Variants in CAMK2B observed in about 807,000 individuals in gnomAD.
The protein encoded by CAMK2B is calcium/calmodulin dependent protein kinase II beta, also known as calcium/calmodulin-dependent protein kinase type II subunit beta.
A neutral mutation model predicts 93.7 loss-of-function variants in CAMK2B; 27 were observed. The ratio of observed to expected loss-of-function variants is 0.29; its 90% confidence interval spans 0.21 to 0.40. The LOEUF (loss-of-function observed/expected upper bound fraction) is 0.40. Ranked by LOEUF, CAMK2B falls within the 10% of genes least tolerant of loss-of-function variation. The probability of loss-of-function intolerance (pLI) is 1.00; values close to 1 mark genes in which losing one functional copy is unlikely to be tolerated. For synonymous variants in CAMK2B, 374 were observed against 358.8 expected, an observed-to-expected ratio of 1.04 and a Z score of -0.48; for missense variants, 568 against 895.8, an observed-to-expected ratio of 0.63 and a Z score of 4.67.
chr7:44,295,581 C>T (rs1788065954), intron 1 of CAMK2B, among the ~76,000 whole-genome samples: 1 of 152,208 alleles, frequency 6.6e-6, no homozygotes, highest in Non-Finnish European at 1.5e-5. Flanking sequence ...GGTGCCTAGC[C>T]TTAGCAGCGT....
At chr7:44,239,488 G>A in intron 13 of CAMK2B, 101 bp downstream of exon 13, 1 of 1,102,074 alleles carries the variant, frequency 9.1e-7, no homozygotes, top group East Asian at 2.6e-5. Flanking sequence ...GGCCTCTGGG[G>A]CGGCTCTGGA....
chr7:44,228,845 C>A lies in CAMK2B; in HGVS notation c.1419G>T (p.Gly473=). Residue 473 remains glycine, a synonymous_variant, in exon 19 of 24, where the codon GGG becomes GGT. Transcript: ENST00000395749. ...TPEAEGPLSA[G]PPPCLSPALL... ...GAGCCGGAGACAGGCAGGGCGGGGGCCCCGCTGAGAGGGGGCCCTCGGCTT... is the reference window on the plus strand; with the variant it reads ...GAGCCGGAGACAGGCAGGGCGGGGGACCCGCTGAGAGGGGGCCCTCGGCTT... 1 of 1,492,188 alleles carries A rather than the reference C, an allele frequency of 6.7e-7. No homozygotes were observed. The highest frequency in any genetic ancestry group is 2.5e-5 in the East Asian group (1 of 40,738). The allele number at this position is 1,492,188 out of a possible 1,614,324, so 92.4% of individuals were successfully genotyped here.
intron 1 of CAMK2B, among the ~76,000 whole-genome samples, chr7:44,309,959 G>A (rs1793068997): frequency 6.6e-6 from 1 of 152,232 alleles, no homozygotes; most frequent in African/African-American, 2.4e-5. Context: ...GAGGCCGCGC[G>A]GCTCGCGAAG....
At chr7:44,264,427 T>A (rs552569709) in intron 2 of CAMK2B, among the ~76,000 whole-genome samples, 1 of 152,188 alleles carries the variant, frequency 6.6e-6, no homozygotes, top group South Asian at 2.1e-4. Context: ...CGCCTACAGA[T>A]GGGAAGGTCT....
intron 2 of CAMK2B, among the ~76,000 whole-genome samples, chr7:44,282,847 C>G (rs960167459): frequency 3.2e-4 from 48 of 152,240 alleles, no homozygotes; most frequent in African/African-American, 1.1e-3. Flanking sequence ...CCCTCAGCAT[C>G]TGGCAGCCTG....
chr7:44,292,981 T>C (rs1787271103), intron 1 of CAMK2B, among the ~76,000 whole-genome samples: 1 of 152,222 alleles, frequency 6.6e-6, no homozygotes, highest in Non-Finnish European at 1.5e-5. Flanking sequence ...GGGGTCTTTG[T>C]GGGTGCATCT....
At position 44,239,650 on chromosome 7, in the gene CAMK2B, G is replaced by A. The variant is rs147678190; in HGVS notation, c.960C>T (p.Thr320=). 6.5e-6 allele frequency: 10 copies of A among 1,550,354 alleles called. No homozygotes were observed. Among genetic ancestry groups the A allele is most frequent in the Non-Finnish European group, 8.7e-6 (10 of 1,146,840 alleles). ...ATRNFSVGRQ[T]TAPATMSTAA... ...CGGTGGACATTGTGGCCGGAGCGGT[G>A]GTCTGTCTGCCCACTGTTAGCACCG... The change falls in exon 13 of 24, where the codon ACC becomes ACT. Residue 320 remains threonine (T), a synonymous_variant. Transcript: ENST00000395749.
At position 44,243,434 on chromosome 7, in the gene CAMK2B, C is replaced by A. The variant is rs1184743239; in HGVS notation, c.508G>T (p.Ala170Ser). Residue 170 changes from alanine (A) to serine (S), a missense_variant, in exon 7 of 24, where the codon GCA (alanine) becomes TCA (serine). Transcript: ENST00000395749. ...LAIEVQGDQQ[A>S]WFGFAGTPGY... ...TGCCCCTGGCACTCACCAAACCATG[C>A]CTGCTGGTCCCCCTGCACCTCGATA... 1 of 1,614,014 alleles carries A rather than the reference C, an allele frequency of 6.2e-7. No homozygotes were observed. The highest frequency in any genetic ancestry group is 8.5e-7 in the Non-Finnish European group (1 of 1,179,964).
chr7:44,265,227 C>G (rs1584384850), intron 2 of CAMK2B, among the ~76,000 whole-genome samples: 1 of 152,228 alleles, frequency 6.6e-6, no homozygotes. Context: ...TGTGTAACAC[C>G]AGGCAGCACT....
At chr7:44,242,756 G>C (rs1431871075) in intron 8 of CAMK2B, 102 bp from the exon 9 acceptor site, 11 of 790,632 alleles carry the variant, frequency 1.4e-5, no homozygotes, top group Non-Finnish European at 2.3e-5. Flanking sequence ...GGCCCTGGGA[G>C]GGCATTGGGG....
In CAMK2B at chr7:44,319,542, C is replaced by T. The variant is rs530883078; in HGVS notation, c.65+5815G>A. 3.9e-5 allele frequency among the ~76,000 whole-genome samples: 6 copies of T among 152,306 alleles called. No homozygotes were observed. In the South Asian group the frequency reaches 1.2e-3, roughly 32 times the overall value. On this transcript the variant is annotated intron_variant, in intron 1 of 23. Transcript: ENST00000395749. The stretch of plus-strand genomic sequence containing the variant: ...GGTCCTTCAGTTCTTTCAAGTGAGA[C>T]CTGAGACATCCTTAGTCCTGTGGCC...
intron 20 of CAMK2B, among the ~76,000 whole-genome samples, chr7:44,223,123 C>T (rs982485094): frequency 1.3e-5 from 2 of 151,852 alleles, no homozygotes; most frequent in East Asian, 1.9e-4. Flanking sequence ...AGATGAAGCT[C>T]ATACATATGC....
Position 44,229,379 on chromosome 7 carries a change from G to T in CAMK2B, c.1339+9C>A. On this transcript the variant is annotated intron_variant, in intron 18 of 23. Transcript: ENST00000395749. Reference sequence around the variant, plus strand: ...TGACCCCCACAGCAGCAGGACCCAGGCTACTTACATGGGGCTGGCAGGGGG... The same window carrying T: ...TGACCCCCACAGCAGCAGGACCCAGTCTACTTACATGGGGCTGGCAGGGGG... 1 of 1,513,508 alleles carries T rather than the reference G, an allele frequency of 6.6e-7. No individual in the cohort carries two copies. The highest frequency in any genetic ancestry group is 1.4e-5 in the African/African-American group (1 of 71,468). 93.8% of individuals were successfully genotyped at this position (1,513,508 alleles called of 1,614,324 possible). A position where few individuals can be genotyped will look rare whatever the true frequency, so the allele number is the denominator to read the frequency against.
rs1043780986 is a variant in CAMK2B, at chr7:44,242,754, G to C, written c.602-100C>G. ...CACTGCCTAGCTCCTGTGGCCCTGG[G>C]AGGGCATTGGGGTCCTCAGCATTCC... On this transcript the variant is annotated intron_variant, in intron 8 of 23. Transcript: ENST00000395749. 5 of 827,700 alleles carry C rather than the reference G, an allele frequency of 6.0e-6. No individual in the cohort carries two copies. In the African/African-American group the frequency reaches 8.4e-5, roughly 14 times the overall value. The allele number at this position is 827,700 out of a possible 1,614,324, so 51.3% of individuals were successfully genotyped here.
intron 1 of CAMK2B, among the ~76,000 whole-genome samples, chr7:44,305,616 G>A (rs1336314579): frequency 6.6e-6 from 1 of 152,218 alleles, no homozygotes; most frequent in Admixed American, 6.5e-5. Flanking sequence ...GCACCCCTGT[G>A]AGGTGGGGGA....
chr7:44,316,050 T>G (rs1794760880), intron 1 of CAMK2B, among the ~76,000 whole-genome samples: 1 of 152,232 alleles, frequency 6.6e-6, no homozygotes, highest in Non-Finnish European at 1.5e-5. Context: ...CTTCTATCTC[T>G]TTTTCTTGCC....
chr7:44,220,581 C>T (rs1274452569), intron 22 of CAMK2B, 35 bp downstream of exon 22: 10 of 1,545,364 alleles, frequency 6.5e-6, no homozygotes, highest in East Asian at 4.5e-5. Context: ...CTGGGGGCAC[C>T]GCCCCCTCAT....
At chr7:44,294,077 T>G (rs1584708843) in intron 1 of CAMK2B, among the ~76,000 whole-genome samples, 1 of 152,098 alleles carries the variant, frequency 6.6e-6, no homozygotes, top group East Asian at 1.9e-4. Flanking sequence ...GCACCACACA[T>G]CCCCAGGAAA....
At chr7:44,291,374 G>A (rs1786787144) in intron 1 of CAMK2B, among the ~76,000 whole-genome samples, 1 of 152,156 alleles carries the variant, frequency 6.6e-6, no homozygotes, top group Non-Finnish European at 1.5e-5. Context: ...CCACTGGCAA[G>A]ACGTCCCCCA....
Sources: allele counts gnomAD v4.1 joint callset (sites outside exome capture counted in the v4.1 genomes callset), GRCh38; gene constraint gnomAD v4.1.1; transcripts MANE v1.5; gene names NCBI Gene and HGNC (gene_info 2026-07-23, HGNC 2026-07-21).